Variants in CDH13 observed in about 807,000 individuals in gnomAD.
CDH13 encodes the protein cadherin-13.
CDH13 carries 24 observed loss-of-function variants against 63.8 expected under a neutral mutation model. That is an observed-to-expected ratio of 0.38 (90% CI 0.27 to 0.53). The LOEUF (loss-of-function observed/expected upper bound fraction) is 0.53, where lower values mean the gene tolerates loss of function less well. Among genes scored for constraint, CDH13 ranks in the 20% least tolerant of loss-of-function variants. CDH13 has a pLI of 0.85. For missense variants in CDH13, 1,049 were observed against 903.1 expected, an observed-to-expected ratio of 1.16 and a Z score of -2.07; for synonymous variants, 503 against 355.3, an observed-to-expected ratio of 1.42 and a Z score of -4.67.
intron 10 of CDH13, among the ~76,000 whole-genome samples, chr16:83,699,534 A>G (rs1905892643): frequency 6.6e-6 from 1 of 152,142 alleles, no homozygotes; most frequent in South Asian, 2.1e-4. Flanking sequence ...TCTGCAAGCT[A>G]GTTCCATTTC....
In CDH13 at chr16:83,707,836, C is replaced by CAAAAAAAAAAAAAAAAAAAAA. The variant is rs61067563; in HGVS notation, c.1538+29377_1538+29397dup. On this transcript the variant is annotated intron_variant, in intron 10 of 13. Transcript: ENST00000567109. ...CATCTTTGGTGAGAGACCCTAAAGG[C>CAAAAAAAAAAAAAAAAAAAAA]AAAAAAAAAAAAAAAAAAAAAAGAG... is the stretch of plus-strand genomic sequence containing the variant. 2.8e-3 allele frequency among the ~76,000 whole-genome samples: 222 copies of CAAAAAAAAAAAAAAAAAAAAA among 78,838 alleles called. 30 individuals carry two copies. Among genetic ancestry groups the CAAAAAAAAAAAAAAAAAAAAA allele is most frequent in the African/African-American group, 5.5e-3 (109 of 19,962 alleles). 51.7% of individuals were successfully genotyped at this position (78,838 alleles called of 152,430 possible). A position where few individuals can be genotyped will look rare whatever the true frequency, so the allele number is the denominator to read the frequency against.
chr16:83,740,013 G>C (rs143173784), intron 10 of CDH13: 1 of 152,350 alleles, frequency 6.6e-6, no homozygotes, highest in Non-Finnish European at 1.5e-5. Context: ...TGGTGTTGGA[G>C]CTGAGATCCT....
intron 11 of CDH13, among the ~76,000 whole-genome samples, chr16:83,761,871 A>G (rs187202747): frequency 1.4e-4 from 21 of 152,252 alleles, no homozygotes; most frequent in Non-Finnish European, 2.6e-4. Context: ...GTTCGATACC[A>G]GCCAGGCCAA....
At chr16:83,017,189 A>G (rs1298138330) in intron 2 of CDH13, among the ~76,000 whole-genome samples, 1 of 152,028 alleles carries the variant, frequency 6.6e-6, no homozygotes, top group Non-Finnish European at 1.5e-5. Flanking sequence ...CCATTCATTC[A>G]TTTTCCTTGA....
chr16:82,977,832 G>C (rs1378146453), intron 2 of CDH13, among the ~76,000 whole-genome samples: 2 of 152,206 alleles, frequency 1.3e-5, no homozygotes, highest in African/African-American at 4.8e-5. Flanking sequence ...ACAGGAAAAT[G>C]TGGGCAATTT....
chr16:83,144,614 A>T (rs924007787), intron 4 of CDH13, among the ~76,000 whole-genome samples: 1 of 152,364 alleles, frequency 6.6e-6, no homozygotes, highest in African/African-American at 2.4e-5. Context: ...TGATTATACT[A>T]TGCCCAGATC....
At chr16:83,404,023 G>C (rs967480375) in intron 6 of CDH13, among the ~76,000 whole-genome samples, 3 of 152,104 alleles carry the variant, frequency 2.0e-5, no homozygotes, top group Non-Finnish European at 2.9e-5. Context: ...TTTTTTTCCA[G>C]TGTCTCTTCT....
At chr16:82,820,660 A>G (rs2037962043) in intron 1 of CDH13, among the ~76,000 whole-genome samples, 1 of 152,194 alleles carries the variant, frequency 6.6e-6, no homozygotes, top group African/African-American at 2.4e-5. Flanking sequence ...AGGCTATAGA[A>G]ATGAAAGACA....
chr16:83,677,173 C>T (rs1040398358), intron 9 of CDH13, among the ~76,000 whole-genome samples: 10 of 152,342 alleles, frequency 6.6e-5, no homozygotes, highest in Admixed American at 2.6e-4. Flanking sequence ...ATGCTGCACC[C>T]ACCACATCAT....
At chr16:82,699,715 T>A (rs2030756142) in intron 1 of CDH13, among the ~76,000 whole-genome samples, 1 of 152,344 alleles carries the variant, frequency 6.6e-6, no homozygotes, top group Admixed American at 6.5e-5. Context: ...TTTACTGTTT[T>A]ACCTTCTCCC....
At chr16:83,219,324 T>C (rs1328342972) in intron 5 of CDH13, among the ~76,000 whole-genome samples, 1 of 152,172 alleles carries the variant, frequency 6.6e-6, no homozygotes, top group Non-Finnish European at 1.5e-5. Flanking sequence ...TTTTAAAAAC[T>C]GAGGCCATAT....
chr16:83,388,978 C>T (rs965794798), intron 6 of CDH13, among the ~76,000 whole-genome samples: 8 of 152,216 alleles, frequency 5.3e-5, no homozygotes, highest in Admixed American at 1.3e-4. Flanking sequence ...ATGACCAGGG[C>T]GCTTGTGAAA....
At chr16:83,245,213 A>G (rs1346654742) in intron 5 of CDH13, among the ~76,000 whole-genome samples, 1 of 152,130 alleles carries the variant, frequency 6.6e-6, no homozygotes, top group Admixed American at 6.5e-5. Flanking sequence ...AAATTCCCAG[A>G]CTTATCTGGC....
chr16:83,606,570 G>A (rs184387755), intron 8 of CDH13, among the ~76,000 whole-genome samples: 205 of 151,398 alleles, frequency 1.4e-3, no homozygotes, highest in African/African-American at 4.6e-3. Flanking sequence ...AAACTCTGTC[G>A]CTACAAAAAA....
chr16:83,333,673 C>T (rs1041058234), intron 5 of CDH13, among the ~76,000 whole-genome samples: 7 of 152,026 alleles, frequency 4.6e-5, no homozygotes, highest in Admixed American at 2.6e-4. Flanking sequence ...ACAATAAAAC[C>T]GAGAGTGGTA....
chr16:82,685,134 C>T (rs974640722), intron 1 of CDH13, among the ~76,000 whole-genome samples: 1 of 152,142 alleles, frequency 6.6e-6, no homozygotes, highest in Non-Finnish European at 1.5e-5. Flanking sequence ...AAAAATACTT[C>T]AGTTTTGTTG....
At chr16:83,027,713 A>AC (rs1290209166) in intron 2 of CDH13, among the ~76,000 whole-genome samples, 3 of 152,048 alleles carry the variant, frequency 2.0e-5, no homozygotes, top group Non-Finnish European at 2.9e-5. Flanking sequence ...GGCCCCCAGT[A>AC]CCCCACATTG....
intron 5 of CDH13, among the ~76,000 whole-genome samples, chr16:83,321,409 G>A (rs747442454): frequency 5.3e-5 from 8 of 152,164 alleles, no homozygotes; most frequent in East Asian, 1.9e-4. Flanking sequence ...TTAAGTTGGC[G>A]CGGCCTCTAT....
intron 3 of CDH13, among the ~76,000 whole-genome samples, chr16:83,104,000 A>G (rs1399838507): frequency 1.3e-5 from 2 of 152,232 alleles, no homozygotes; most frequent in African/African-American, 4.8e-5. Context: ...TGGTCCCATA[A>G]TAGTTTTTCA....
Sources: allele counts gnomAD v4.1 joint callset (sites outside exome capture counted in the v4.1 genomes callset), GRCh38; gene constraint gnomAD v4.1.1; transcripts MANE v1.5; gene names NCBI Gene and HGNC (gene_info 2026-07-23, HGNC 2026-07-21).